MACROD1: variants seen among roughly 807,000 people sequenced by gnomAD.
MACROD1 encodes ADP-ribose glycohydrolase MACROD1.
In MACROD1, 31 loss-of-function variants were observed where a neutral mutation model predicts 41.4. The ratio of observed to expected loss-of-function variants is 0.75; its 90% CI spans 0.56 to 1.01. MACROD1 has a LOEUF of 1.01. Ranked by LOEUF, MACROD1 falls within the 50% of genes least tolerant of loss-of-function variation. MACROD1 has a pLI of 0.00. For synonymous variants in MACROD1, 252 were observed against 203.4 expected (o/e 1.24, Z -2.03); for missense variants, 473 against 460.0 (o/e 1.03, Z -0.26).
intron 1 of MACROD1, among the ~76,000 whole-genome samples, chr11:64,163,928 T>C (rs1945795702): frequency 6.6e-6 from 1 of 152,162 alleles, no homozygotes; most frequent in African/African-American, 2.4e-5. Context: ...CCTGGCCCAC[T>C]GTCACTCAAT....
chr11:64,090,396 T>C lies in MACROD1; in HGVS notation c.517+60843A>G, dbSNP rs1018783687. On this transcript the variant is annotated intron_variant, in intron 3 of 10. Transcript: ENST00000255681. The surrounding 1 kb of genome is among the most constrained non-coding windows in gnomAD (Gnocchi z 4.7). ...GGCAGCAGGGCACAATTACTGAGCCTGGTGCTTTATTTCCTCAACTCACCT... is the reference window on the plus strand; with the variant it reads ...GGCAGCAGGGCACAATTACTGAGCCCGGTGCTTTATTTCCTCAACTCACCT... Among the ~76,000 whole-genome samples the C allele has an allele frequency of 2.6e-5, 4 of 152,234 alleles. No homozygotes were observed. In the South Asian group the frequency reaches 6.2e-4, roughly 24 times the overall value.
chr11:64,070,579 C>A (rs1944089382), intron 3 of MACROD1, among the ~76,000 whole-genome samples: 2 of 152,188 alleles, frequency 1.3e-5, no homozygotes, highest in African/African-American at 4.8e-5. Context: ...CAGCCTCACC[C>A]TCCCCTCTCC....
At chr11:64,107,438 A>G (rs1483928750) in intron 3 of MACROD1, among the ~76,000 whole-genome samples, 2 of 152,270 alleles carry the variant, frequency 1.3e-5, no homozygotes, top group East Asian at 3.9e-4. Context: ...TTTTTTTAAA[A>G]GCGATTTACA....
chr11:64,013,428 G>A (rs1267827240), intron 4 of MACROD1, among the ~76,000 whole-genome samples: 2 of 152,238 alleles, frequency 1.3e-5, no homozygotes, highest in African/African-American at 2.4e-5. Flanking sequence ...GCAGGCAGAA[G>A]GAACTGCCAG....
At chr11:64,031,670 G>T (rs1360545380) in intron 3 of MACROD1, among the ~76,000 whole-genome samples, 1 of 152,078 alleles carries the variant, frequency 6.6e-6, no homozygotes, top group Non-Finnish European at 1.5e-5. Context: ...TAGAGACGGG[G>T]TTTTGCCATG....
intron 3 of MACROD1, among the ~76,000 whole-genome samples, chr11:64,056,438 A>G (rs1278577992): frequency 1.3e-5 from 2 of 151,916 alleles, no homozygotes; most frequent in African/African-American, 4.8e-5. Flanking sequence ...TGAGGGGAGG[A>G]GGGTGGGGAG....
chr11:64,050,660 C>T (rs1943676099), intron 3 of MACROD1, among the ~76,000 whole-genome samples: 1 of 152,242 alleles, frequency 6.6e-6, no homozygotes, highest in Non-Finnish European at 1.5e-5. Flanking sequence ...CTCTTGTCGC[C>T]CAGGCTGGAG....
intron 3 of MACROD1, among the ~76,000 whole-genome samples, chr11:64,051,176 T>G (rs945592765): frequency 6.6e-6 from 1 of 152,252 alleles, no homozygotes; most frequent in Non-Finnish European, 1.5e-5. Flanking sequence ...TTACTAGGCC[T>G]CAGTTTTGTC....
chr11:64,079,240 A>T (rs182765417), intron 3 of MACROD1, among the ~76,000 whole-genome samples: 3 of 151,892 alleles, frequency 2.0e-5, no homozygotes, highest in Admixed American at 6.5e-5. Context: ...CTGCTCTGGC[A>T]TGTGGCTTGA....
In MACROD1 at chr11:64,001,448, T is replaced by G. The variant is rs1406893725; in HGVS notation, c.548-1105A>C. On this transcript the variant is annotated intron_variant, in intron 4 of 10. Coordinates refer to ENST00000255681, the MANE Select transcript of MACROD1 (RefSeq NM_014067.4). ...ATCAAGAGAGGACCATCATTCCCCA[T>G]TTTACAGATGGACAAACCAAGGCCA... is the stretch of plus-strand genomic sequence containing the variant. 4.3e-6 allele frequency: 3 copies of G among 702,390 alleles called. No homozygotes were observed. The Admixed American group carries it at 6.0e-5, about 14-fold the overall frequency. 43.5% of individuals were successfully genotyped at this position (702,390 alleles called of 1,614,324 possible).
In MACROD1 at chr11:63,999,384, C is replaced by T. The variant is rs868173965; in HGVS notation, c.838G>A (p.Ala280Thr). 6.3e-7 allele frequency: 1 copy of T among 1,591,850 alleles called. No homozygotes were observed. The highest frequency in any genetic ancestry group is 8.5e-7 in the Non-Finnish European group (1 of 1,173,546). ...GVFGYPCEAAAEIVLATLREW... is the reference protein window; with the variant it reads ...GVFGYPCEAATEIVLATLREW... ...CGCAGCGTGGCCAGCACGATCTCGG[C>T]GGCCGCCTCACAGGGGTAGCCTGAG... Residue 280 changes from alanine (A) to threonine (T), a missense_variant, in exon 8 of 11, where the codon GCC (alanine) becomes ACC (threonine). Coordinates refer to ENST00000255681, the MANE Select transcript of MACROD1 (RefSeq NM_014067.4).
At chr11:64,021,080 G>A (rs921039320) in intron 3 of MACROD1, among the ~76,000 whole-genome samples, 2 of 152,106 alleles carry the variant, frequency 1.3e-5, no homozygotes, top group Non-Finnish European at 2.9e-5. Context: ...GTTCTTCCCC[G>A]GCTCTCAGCA....
At chr11:64,053,435 A>G (rs1476703291) in intron 3 of MACROD1, among the ~76,000 whole-genome samples, 1 of 152,130 alleles carries the variant, frequency 6.6e-6, no homozygotes, top group Middle Eastern at 3.2e-3. Context: ...CTCCAGGGGC[A>G]CTGAGGTGCA....
intron 3 of MACROD1, among the ~76,000 whole-genome samples, chr11:64,139,361 A>G (rs940794152): frequency 6.6e-6 from 1 of 152,098 alleles, no homozygotes; most frequent in African/African-American, 2.4e-5. Context: ...CGTGCCCACC[A>G]GGGCAGCCTG....
At chr11:64,139,321 A>C (rs916539241) in intron 3 of MACROD1, among the ~76,000 whole-genome samples, 6 of 152,120 alleles carry the variant, frequency 3.9e-5, no homozygotes, top group African/African-American at 9.7e-5. Context: ...CCCTGCCAGG[A>C]GTGGACAGAG....
At position 64,152,254 on chromosome 11, in the gene MACROD1, G is replaced by A. The variant is rs867595111; in HGVS notation, c.400+38C>T. On this transcript the variant is annotated intron_variant, in intron 2 of 10. Transcript: ENST00000255681. ...ACAATTCTCCCAAGCCACGGGTCTG[G>A]AGCCTGCCCACCAGGGCCTCCCCCG... The A allele has an allele frequency of 6.3e-6, 10 of 1,585,078 alleles. No individual in the cohort carries two copies. The African/African-American group carries it at 8.1e-5, about 13-fold the overall frequency.
intron 3 of MACROD1, chr11:64,118,904 C>T (rs993356233): frequency 1.2e-5 from 2 of 166,770 alleles, no homozygotes; most frequent in African/African-American, 2.4e-5. Flanking sequence ...TCACTGCATT[C>T]TTTGAACAAT....
intron 3 of MACROD1, chr11:64,149,031 G>GA (rs1945536341): frequency 1.0e-6 from 1 of 985,236 alleles, no homozygotes. Context: ...CTGGCTGTGA[G>GA]AGTCTAGAAC....
intron 3 of MACROD1, among the ~76,000 whole-genome samples, chr11:64,071,185 TC>T (rs1359211887): frequency 3.3e-5 from 5 of 151,908 alleles, no homozygotes; most frequent in Middle Eastern, 3.2e-3. Context: ...GCCCCTGGTT[TC>T]CCCCAGCTGC....
Sources: allele counts gnomAD v4.1 joint callset (sites outside exome capture counted in the v4.1 genomes callset), GRCh38; gene constraint gnomAD v4.1.1; non-coding constraint Gnocchi (gnomAD v3.1); transcripts MANE v1.5; gene names NCBI Gene and HGNC (gene_info 2026-07-23, HGNC 2026-07-21).